CDC40: variants seen among roughly 807,000 people sequenced by gnomAD.
The protein encoded by CDC40 is pre-mRNA-processing factor 17.
A neutral mutation model predicts 80.6 loss-of-function variants in CDC40; 27 were observed. The observed-to-expected ratio is 0.33, with a 90% CI of 0.25 to 0.46. CDC40 has a LOEUF of 0.46. Among genes scored for constraint, CDC40 ranks in the 20% least tolerant of loss-of-function variants. CDC40 has a pLI of 1.00. For missense variants in CDC40, 486 were observed against 694.1 expected (o/e 0.70, Z 3.37); for synonymous variants, 221 against 232.6 (o/e 0.95, Z 0.45).
intron 10 of CDC40, among the ~76,000 whole-genome samples, 155 bp from the exon 11 acceptor site, chr6:110,219,209 T>C (rs1238377237): frequency 6.6e-6 from 1 of 152,194 alleles, no homozygotes; most frequent in African/African-American, 2.4e-5. Flanking sequence ...TCATTAAAAA[T>C]CTGTGAAAAA....
chr6:110,189,272 G>A (rs902059374), intron 1 of CDC40, among the ~76,000 whole-genome samples: 1 of 151,936 alleles, frequency 6.6e-6, no homozygotes, highest in African/African-American at 2.4e-5. Context: ...CTCTTCTAGA[G>A]AGCTGTAAAC....
At chr6:110,200,673 C>T (rs1299571918) in intron 2 of CDC40, among the ~76,000 whole-genome samples, 6 of 152,098 alleles carry the variant, frequency 3.9e-5, no homozygotes, top group African/African-American at 1.4e-4. Flanking sequence ...TAATAGAATG[C>T]TTGACTGCTG....
chr6:110,195,576 A>C (rs1315372572), intron 2 of CDC40, among the ~76,000 whole-genome samples: 1 of 152,176 alleles, frequency 6.6e-6, no homozygotes, highest in African/African-American at 2.4e-5. Context: ...TATCTTATTG[A>C]GTTATAAAGA....
intron 12 of CDC40, among the ~76,000 whole-genome samples, chr6:110,221,375 TC>T (rs1298042310): frequency 1.3e-5 from 2 of 152,210 alleles, no homozygotes; most frequent in Admixed American, 6.6e-5. Flanking sequence ...CTAACCATTG[TC>T]AGGACAATCT....
chr6:110,226,804 C>T (rs1041484199), intron 13 of CDC40, among the ~76,000 whole-genome samples: 1 of 152,012 alleles, frequency 6.6e-6, no homozygotes, highest in African/African-American at 2.4e-5. Flanking sequence ...ATCACTTGAA[C>T]CCAAGAGTTT....
At chr6:110,185,536 G>A (rs12664697) in intron 1 of CDC40, among the ~76,000 whole-genome samples, 11,068 of 152,080 alleles carry the variant, frequency 0.073, 548 homozygotes, top group African/African-American at 0.14. Context: ...ACCCTTTAAA[G>A]ATACAAATAC....
intron 1 of CDC40, among the ~76,000 whole-genome samples, chr6:110,191,000 G>C (rs1017042588): frequency 6.6e-6 from 1 of 152,254 alleles, no homozygotes; most frequent in East Asian, 1.9e-4. Flanking sequence ...GGTGGTAATT[G>C]AAGTCATGAA....
intron 3 of CDC40, among the ~76,000 whole-genome samples, chr6:110,203,495 A>G (rs990419412): frequency 9.2e-5 from 14 of 152,228 alleles, no homozygotes; most frequent in African/African-American, 3.4e-4. Flanking sequence ...GACATACAGG[A>G]GGTGACACAT....
Position 110,210,712 on chromosome 6 carries a change from G to A in CDC40, c.636G>A (p.Glu212=), listed in dbSNP as rs771665751. Residue 212 remains glutamate, a synonymous_variant, in exon 6 of 15, where the codon GAG becomes GAA. Coordinates refer to ENST00000307731, the MANE Select transcript of CDC40 (RefSeq NM_015891.3). ...TCACTCCTTAATTTTCTTAGGAAGA[G>A]CAAAAAGAATTGGATGAAATCACAG... ...EKDVAKPSEE[E]QKELDEITAK... 6 of 1,543,596 alleles carry A rather than the reference G, an allele frequency of 3.9e-6. No individual in the cohort carries two copies. Among genetic ancestry groups the A allele is most frequent in the Non-Finnish European group, 5.2e-6 (6 of 1,147,240 alleles).
intron 3 of CDC40, among the ~76,000 whole-genome samples, chr6:110,206,591 C>T (rs992798615): frequency 2.0e-5 from 3 of 152,070 alleles, no homozygotes; most frequent in Admixed American, 6.6e-5. Flanking sequence ...AAAGCACATT[C>T]GTATGCTGGT....
chr6:110,228,904 A>C lies in CDC40; in HGVS notation c.1490A>C (p.Asn497Thr). 1 of 1,607,524 alleles carries C rather than the reference A, an allele frequency of 6.2e-7. No individual in the cohort carries two copies. Among genetic ancestry groups the C allele is most frequent in the African/African-American group, 1.3e-5 (1 of 74,692 alleles). ...GGAGCACAGAACAGATTTAGATTAAATAAGAAAAAAATTTTTAAGGGCCAT... is the reference window on the plus strand; with the variant it reads ...GGAGCACAGAACAGATTTAGATTAACTAAGAAAAAAATTTTTAAGGGCCAT... ...IFGAQNRFRLNKKKIFKGHMV... is the reference protein window; with the variant it reads ...IFGAQNRFRLTKKKIFKGHMV... Residue 497 changes from asparagine (N) to threonine (T), a missense_variant, in exon 14 of 15, where the codon AAT becomes ACT. Asn to Thr is a moderately conservative substitution (Grantham distance 65, BLOSUM62 0). Around this residue, in one of 3 missense-constraint regions of CDC40, gnomAD observed 88 missense variants for 138.7 expected, o/e 0.63. Transcript: ENST00000307731.
At chr6:110,222,209 T>C (rs972223418) in intron 12 of CDC40, among the ~76,000 whole-genome samples, 2 of 151,578 alleles carry the variant, frequency 1.3e-5, no homozygotes, top group Admixed American at 1.3e-4. Flanking sequence ...GGTCTATGCT[T>C]GTGCCACTGC....
At chr6:110,228,756 T>C in intron 13 of CDC40, 76 bp from the exon 14 acceptor site, 2 of 1,126,350 alleles carry the variant, frequency 1.8e-6, no homozygotes, top group Non-Finnish European at 2.5e-6. Flanking sequence ...TTAATCACAG[T>C]GAACATATTT....
At chr6:110,187,654 G>A (rs988758304) in intron 1 of CDC40, among the ~76,000 whole-genome samples, 19 of 152,108 alleles carry the variant, frequency 1.2e-4, no homozygotes, top group Non-Finnish European at 1.3e-4. Context: ...AATAATATTT[G>A]TGATCTGCTT....
chr6:110,204,811 G>A (rs912541380), intron 3 of CDC40, among the ~76,000 whole-genome samples: 1 of 151,588 alleles, frequency 6.6e-6, no homozygotes, highest in Non-Finnish European at 1.5e-5. Flanking sequence ...AGGCATGAAC[G>A]ACCACACATA....
intron 4 of CDC40, 42 bp downstream of exon 4, chr6:110,207,631 T>G (rs1401550133): frequency 2.0e-6 from 2 of 1,004,126 alleles, no homozygotes; most frequent in African/African-American, 3.2e-5. Context: ...TACCTACACA[T>G]CTATAATTAG....
chr6:110,230,382 T>C lies in CDC40; in HGVS notation c.*251T>C. 2.7e-6 allele frequency: 1 copy of C among 374,320 alleles called. No individual in the cohort carries two copies. The highest frequency in any genetic ancestry group is 2.1e-5 in the African/African-American group (1 of 46,626). 23.2% of individuals were successfully genotyped at this position (374,320 alleles called of 1,614,324 possible). On this transcript the variant is annotated 3_prime_UTR_variant, in exon 15 of 15. Transcript: ENST00000307731. ...CAAGTAGTTATAATTGGCAAGCAGT[T>C]TGAGTTTATACTCATGACATACTGA...
chr6:110,184,667 C>G (rs1777242183), intron 1 of CDC40, among the ~76,000 whole-genome samples: 2 of 151,276 alleles, frequency 1.3e-5, no homozygotes, highest in Admixed American at 1.3e-4. Flanking sequence ...CCAGGAAGAT[C>G]TAAAATAAAA....
rs765589871 is a variant in CDC40 at position 110,213,134 on chromosome 6, T to C, written c.916T>C (p.Ser306Pro). 6.2e-7 allele frequency: 1 copy of C among 1,610,792 alleles called. No homozygotes were observed. Among genetic ancestry groups the C allele is most frequent in the Non-Finnish European group, 8.5e-7 (1 of 1,176,936 alleles). ...LFPLSGHLLL[S>P]CSMDCKIKLW... ...TCCTCTCTCTGGCCATTTATTGCTG[T>C]CTTGTTCCATGGACTGTAAAATTAA... The change falls in exon 8 of 15, where the codon TCT (serine) becomes CCT (proline). Residue 306 changes from serine (S) to proline (P), a missense_variant. By Grantham distance (74) the Ser-to-Pro change is moderately conservative. This residue lies in a region of CDC40 where 381 missense variants were observed against 492.1 expected (regional missense o/e 0.77). Transcript: ENST00000307731.
Sources: allele counts gnomAD v4.1 joint callset (sites outside exome capture counted in the v4.1 genomes callset), GRCh38; gene constraint gnomAD v4.1.1; regional missense constraint gnomAD v4.1.1; transcripts MANE v1.5; gene names NCBI Gene and HGNC (gene_info 2026-07-23, HGNC 2026-07-21).